COL10A1: variants seen among roughly 807,000 people sequenced by gnomAD.
COL10A1 encodes the protein collagen type X alpha 1 chain.
Under a neutral mutation model 18.2 loss-of-function variants are expected in COL10A1, and 10 were observed. That is an observed-to-expected ratio of 0.55 (90% CI 0.34 to 0.93). The LOEUF is 0.93. Among genes scored for constraint, COL10A1 ranks in the 40% least tolerant of loss-of-function variants. COL10A1 has a pLI of 0.02. For synonymous variants in COL10A1, 330 were observed against 316.6 expected, an observed-to-expected ratio of 1.04 and a Z score of -0.45; for missense variants, 897 against 853.5, an observed-to-expected ratio of 1.05 and a Z score of -0.64.
At chr6:116,159,738 C>T (rs1780284651), upstream of COL10A1, among the ~76,000 whole-genome samples, 1 of 152,168 alleles carries the variant, frequency 6.6e-6, no homozygotes, top group African/African-American at 2.4e-5. Context: ...AAATAGTGAA[C>T]ACTGTACCAA....
chr6:116,210,037 G>C, the COL10A1 span, among the ~76,000 whole-genome samples: 2 of 151,976 alleles, frequency 1.3e-5, no homozygotes, highest in Non-Finnish European at 2.9e-5. Flanking sequence ...AGCAAAATAT[G>C]TGGTGGCTAC....
the COL10A1 span, among the ~76,000 whole-genome samples, chr6:116,194,944 A>G: frequency 3.3e-5 from 5 of 152,080 alleles, no homozygotes; most frequent in African/African-American, 1.2e-4. Context: ...ATACTGTGGC[A>G]TATTTGCCAT....
rs1240081197 is a variant in COL10A1, at chr6:116,119,667, G to T, written c.*406C>A. 5.5e-6 allele frequency: 1 copy of T among 180,528 alleles called. No homozygotes were observed. The highest frequency in any genetic ancestry group is 2.4e-5 in the African/African-American group (1 of 41,602). The allele number at this position is 180,528 out of a possible 1,614,324, so 11.2% of individuals were successfully genotyped here. A position where few individuals can be genotyped will look rare whatever the true frequency, so the allele number is the denominator to read the frequency against. On this transcript the variant is annotated 3_prime_UTR_variant, in exon 3 of 3. Coordinates refer to ENST00000651968, the MANE Select transcript of COL10A1 (RefSeq NM_000493.4). ...TTTCCTAGAAGTTCTCATATTCATA[G>T]TTAGAAACAGGCTTTTTTAAAAAGG...
the COL10A1 span, among the ~76,000 whole-genome samples, chr6:116,190,424 A>G: frequency 7.2e-5 from 11 of 152,084 alleles, no homozygotes; most frequent in South Asian, 2.1e-4. Context: ...AAATGTGGAT[A>G]GTTACTTGGA....
At chr6:116,138,046 C>CCCG (rs111959246) in intron 1 of COL10A1, among the ~76,000 whole-genome samples, 4,938 of 152,098 alleles carry the variant, frequency 0.032, 281 homozygotes, top group African/African-American at 0.11. Flanking sequence ...CCACTGCACT[C>CCCG]CCGCCTGGGT....
rs199827970 is a variant in COL10A1, at chr6:116,135,834, G to GATATATATATAT, written c.-15-10339_-15-10328dup. Among the ~76,000 whole-genome samples, 81 of 102,328 alleles carry GATATATATATAT rather than the reference G, an allele frequency of 7.9e-4. 1 individual carries two copies. The highest frequency in any genetic ancestry group is 1.3e-3 in the Non-Finnish European group (67 of 50,558). The allele number at this position is 102,328 out of a possible 152,430, so 67.1% of individuals were successfully genotyped here. A position where few individuals can be genotyped will look rare whatever the true frequency, so the allele number is the denominator to read the frequency against. On this transcript the variant is annotated intron_variant, in intron 1 of 1. Transcript: ENST00000418500. ...ATTTATGGTATACAATATATTTTCA[G>GATATATATATAT]ATATATATATATATATATATATATA... is the stretch of plus-strand genomic sequence containing the variant.
the COL10A1 span, among the ~76,000 whole-genome samples, chr6:116,168,424 C>A: frequency 6.6e-6 from 1 of 151,886 alleles, no homozygotes; most frequent in African/African-American, 2.4e-5. Context: ...TTTTTCAGTT[C>A]TAGAATTCCA....
chr6:116,204,986 A>G, the COL10A1 span, among the ~76,000 whole-genome samples: 1 of 152,042 alleles, frequency 6.6e-6, no homozygotes, highest in Non-Finnish European at 1.5e-5. Flanking sequence ...ATAACACCTT[A>G]TTGGAAAGAT....
chr6:116,198,999 T>G, the COL10A1 span, among the ~76,000 whole-genome samples: 1 of 152,038 alleles, frequency 6.6e-6, no homozygotes, highest in Non-Finnish European at 1.5e-5. Context: ...GGTAATTCTT[T>G]GTTGGAGGAG....
the COL10A1 span, among the ~76,000 whole-genome samples, chr6:116,176,834 A>G: frequency 6.6e-6 from 1 of 152,084 alleles, no homozygotes; most frequent in Non-Finnish European, 1.5e-5. Context: ...TCCCAAGTCT[A>G]TTTTCCTCTT....
At chr6:116,202,252 G>T in the COL10A1 span, among the ~76,000 whole-genome samples, 1 of 151,876 alleles carries the variant, frequency 6.6e-6, no homozygotes, top group Admixed American at 6.6e-5. Flanking sequence ...TATTCTTTTC[G>T]AGAAAACATT....
At chr6:116,125,291 A>C in intron 2 of COL10A1, 48 bp downstream of exon 2, 3 of 1,588,380 alleles carry the variant, frequency 1.9e-6, no homozygotes, top group Non-Finnish European at 2.6e-6. Context: ...AGATTATAGA[A>C]AGCAACAAGC....
At chr6:116,163,607 T>C (rs1422963169), upstream of COL10A1, among the ~76,000 whole-genome samples, 2 of 152,168 alleles carry the variant, frequency 1.3e-5, no homozygotes, top group Admixed American at 1.3e-4. Flanking sequence ...GATATTTTAG[T>C]CTCAATTGTA....
chr6:116,199,957 C>A, the COL10A1 span, among the ~76,000 whole-genome samples: 3 of 149,848 alleles, frequency 2.0e-5, no homozygotes, highest in African/African-American at 7.5e-5. Flanking sequence ...TTAAGGGTAG[C>A]CTGTGCATTG....
At position 116,141,985 on chromosome 6, in the gene COL10A1, A is replaced by C. The variant is rs1020474616; in HGVS notation, c.-15-16478T>G. 2.0e-5 allele frequency among the ~76,000 whole-genome samples: 3 copies of C among 151,796 alleles called. No individual in the cohort carries two copies. In the East Asian group the frequency reaches 5.8e-4, roughly 29 times the overall value. ...ATATAGGAATTCCTGTTTCAGGAAA[A>C]TTTTGACAAAGTTACTTAGATGAAA... On this transcript the variant is annotated intron_variant, in intron 1 of 1. Coordinates refer to the COL10A1 transcript ENST00000418500.
rs1064583 is a variant in COL10A1 at position 116,125,413 on chromosome 6, A to C, written c.80T>G (p.Met27Arg). 9.3e-6 allele frequency: 15 copies of C among 1,613,640 alleles called. No individual in the cohort carries two copies. In the East Asian group the frequency reaches 3.3e-4, roughly 36 times the overall value. ...TAGTGGGCCTTTTATGCCTGTGGGC[A>C]TTTGGTATCGTTCAGCGTAAAACAC... is the stretch of plus-strand genomic sequence containing the variant. Reference protein sequence around the residue: ...HGVFYAERYQMPTGIKGPLPN... With the variant: ...HGVFYAERYQRPTGIKGPLPN... Residue 27 changes from methionine (M) to arginine (R), a missense_variant, in exon 2 of 3, where the codon ATG (methionine) becomes AGG (arginine). Physicochemically the swap from Met to Arg is moderately conservative, Grantham distance 91 (BLOSUM62 -1). Transcript: ENST00000651968.
chr6:116,126,522 G>A (rs1319117267), upstream of COL10A1, among the ~76,000 whole-genome samples: 1 of 152,078 alleles, frequency 6.6e-6, no homozygotes, highest in East Asian at 1.9e-4. Flanking sequence ...ATTCCTTGAA[G>A]GGGGTACTGG....
chr6:116,152,166 T>C (rs1780059123), intron 1 of COL10A1, among the ~76,000 whole-genome samples: 1 of 152,198 alleles, frequency 6.6e-6, no homozygotes, highest in Non-Finnish European at 1.5e-5. Flanking sequence ...ATACTTTCAG[T>C]ATGGTTGACT....
At chr6:116,154,844 A>G (rs1026578716) in intron 1 of COL10A1, among the ~76,000 whole-genome samples, 2 of 152,230 alleles carry the variant, frequency 1.3e-5, no homozygotes, top group Non-Finnish European at 2.9e-5. Context: ...TGACTTGCCT[A>G]TGATGCCTTG....
Sources: allele counts gnomAD v4.1 joint callset (sites outside exome capture counted in the v4.1 genomes callset), GRCh38; gene constraint gnomAD v4.1.1; transcripts MANE v1.5; gene names NCBI Gene and HGNC (gene_info 2026-07-23, HGNC 2026-07-21).